Variants in CEP63 observed in about 807,000 individuals in gnomAD.
CEP63 encodes the protein centrosomal protein of 63 kDa.
Under a neutral mutation model 89.1 loss-of-function variants are expected in CEP63, and 84 were observed. That is an observed-to-expected ratio of 0.94 (90% CI 0.79 to 1.13). CEP63 has a LOEUF of 1.13. CEP63 is among the 50% of genes most tolerant of loss of function. The probability of loss-of-function intolerance (pLI) is 0.00; values close to 1 mark genes in which losing one functional copy is unlikely to be tolerated. For missense variants in CEP63, 838 were observed against 813.3 expected, an observed-to-expected ratio of 1.03 and a Z score of -0.37; for synonymous variants, 267 against 272.5, an observed-to-expected ratio of 0.98 and a Z score of 0.20.
At chr3:134,490,890 C>G (rs958125286) in intron 1 of CEP63, among the ~76,000 whole-genome samples, 3 of 152,116 alleles carry the variant, frequency 2.0e-5, no homozygotes, top group Non-Finnish European at 4.4e-5. Context: ...TCCTGTAGAT[C>G]CCCTCCTTAG....
At chr3:134,579,492 A>G (rs1420570979), downstream of CEP63, among the ~76,000 whole-genome samples, 7 of 152,234 alleles carry the variant, frequency 4.6e-5, no homozygotes, top group African/African-American at 1.7e-4. Context: ...GTGGGTGTGT[A>G]CTGATAACGC....
chr3:134,599,328 T>C, the CEP63 span, among the ~76,000 whole-genome samples: 1 of 152,188 alleles, frequency 6.6e-6, no homozygotes, highest in East Asian at 1.9e-4. Flanking sequence ...GGCCTCGTTT[T>C]TGTGGATCTA....
At chr3:134,765,185 A>T in the CEP63 span, among the ~76,000 whole-genome samples, 2 of 152,240 alleles carry the variant, frequency 1.3e-5, no homozygotes, top group Non-Finnish European at 2.9e-5. Flanking sequence ...ATGATAGTGT[A>T]TGTATAAGGT....
chr3:134,609,350 T>TGA, the CEP63 span, among the ~76,000 whole-genome samples: 1 of 152,084 alleles, frequency 6.6e-6, no homozygotes, highest in East Asian at 1.9e-4. Flanking sequence ...AGGCCCTTCC[T>TGA]GAGATGGGGG....
At chr3:134,559,642 A>G (rs375231707) in intron 14 of CEP63, among the ~76,000 whole-genome samples, 36 of 152,260 alleles carry the variant, frequency 2.4e-4, no homozygotes, top group African/African-American at 8.7e-4. Context: ...AATATGTTAT[A>G]CGTATTCATT....
intron 3 of CEP63, among the ~76,000 whole-genome samples, chr3:134,519,604 A>AT (rs1299311430): frequency 6.6e-6 from 1 of 152,244 alleles, no homozygotes; most frequent in Non-Finnish European, 1.5e-5. Flanking sequence ...TTTATGAAGC[A>AT]TCATAATCTT....
the CEP63 span, among the ~76,000 whole-genome samples, chr3:134,658,844 G>C: frequency 6.6e-6 from 1 of 152,164 alleles, no homozygotes; most frequent in Non-Finnish European, 1.5e-5. Flanking sequence ...TCCCTGCTCC[G>C]ATCAGAGTCA....
the CEP63 span, among the ~76,000 whole-genome samples, chr3:134,605,499 C>T: frequency 6.6e-6 from 1 of 152,178 alleles, no homozygotes; most frequent in Non-Finnish European, 1.5e-5. Flanking sequence ...ATTGAATCTG[C>T]ATTCCATGCC....
chr3:134,486,869 T>C (rs942492730), intron 1 of CEP63, among the ~76,000 whole-genome samples: 1 of 152,110 alleles, frequency 6.6e-6, no homozygotes, highest in Non-Finnish European at 1.5e-5. Flanking sequence ...TAGAAAGAAA[T>C]AAGGACGGTT....
At chr3:134,527,162 A>C (rs1287497585) in intron 3 of CEP63, among the ~76,000 whole-genome samples, 1 of 152,158 alleles carries the variant, frequency 6.6e-6, no homozygotes, top group African/African-American at 2.4e-5. Context: ...GGTGGGTGCC[A>C]GGGTGCCTGC....
In CEP63 at chr3:134,532,866, G is replaced by T. The variant is rs746336496; in HGVS notation, c.407G>T (p.Arg136Leu). ...RGNTKNHRED[R>L]SEIERLTAKI... ...AATACCAAAAATCACAGGGAAGATC[G>T]GTCTGAAATTGAGAGGTTAACTGCA... Residue 136 changes from arginine (R) to leucine (L), a missense_variant, in exon 5 of 15, where the codon CGG becomes CTG. Physicochemically the swap from Arg to Leu is moderately radical, Grantham distance 102. Coordinates refer to ENST00000675561, the MANE Select transcript of CEP63 (RefSeq NM_001353108.3). 1 of 1,613,614 alleles carries T rather than the reference G, an allele frequency of 6.2e-7. No individual in the cohort carries two copies. Among genetic ancestry groups the T allele is most frequent in the Non-Finnish European group, 8.5e-7 (1 of 1,179,788 alleles).
At chr3:134,689,280 A>G in the CEP63 span, among the ~76,000 whole-genome samples, 1 of 152,142 alleles carries the variant, frequency 6.6e-6, no homozygotes, top group Admixed American at 6.5e-5. Context: ...AAAGAAAAAA[A>G]AACTATGAGA....
At chr3:134,747,616 C>T in the CEP63 span, among the ~76,000 whole-genome samples, 3 of 152,178 alleles carry the variant, frequency 2.0e-5, no homozygotes, top group African/African-American at 4.8e-5. Flanking sequence ...GCACCTTGTC[C>T]TTTTCTGCTT....
chr3:134,671,369 A>G, the CEP63 span, among the ~76,000 whole-genome samples: 5 of 152,350 alleles, frequency 3.3e-5, no homozygotes, highest in East Asian at 7.7e-4. Context: ...GGGTTGAATG[A>G]TCACCTATTG....
chr3:134,554,987 C>A (rs1955836398), intron 12 of CEP63, among the ~76,000 whole-genome samples: 1 of 152,090 alleles, frequency 6.6e-6, no homozygotes. Context: ...GATATTAGCC[C>A]TTTGTCAGAT....
chr3:134,607,338 A>G, the CEP63 span: 1 of 985,514 alleles, frequency 1.0e-6, no homozygotes, highest in Non-Finnish European at 1.2e-6. Context: ...AGTCAGTTGG[A>G]ACTAACTTGG....
chr3:134,534,565 AT>A (rs1156329741), intron 5 of CEP63, among the ~76,000 whole-genome samples: 2 of 151,978 alleles, frequency 1.3e-5, no homozygotes, highest in Admixed American at 6.6e-5. Flanking sequence ...CTGTCATTAC[AT>A]TTTTTACTTT....
intron 6 of CEP63, among the ~76,000 whole-genome samples, chr3:134,544,355 G>A (rs1952720899): frequency 6.6e-6 from 1 of 152,188 alleles, no homozygotes; most frequent in African/African-American, 2.4e-5. Flanking sequence ...ACCCAATACT[G>A]CTGGGATGCA....
the CEP63 span, among the ~76,000 whole-genome samples, chr3:134,726,892 G>C: frequency 1.3e-5 from 2 of 152,088 alleles, no homozygotes; most frequent in African/African-American, 4.8e-5. Context: ...GCCTTCTCCT[G>C]TTCCAGCCTG....
Sources: allele counts gnomAD v4.1 joint callset (sites outside exome capture counted in the v4.1 genomes callset), GRCh38; gene constraint gnomAD v4.1.1; transcripts MANE v1.5; gene names NCBI Gene and HGNC (gene_info 2026-07-23, HGNC 2026-07-21).